The following MAD1L1 variants were observed in gnomAD, a reference collection of about 807,000 sequenced individuals.
MAD1L1 encodes mitotic spindle assembly checkpoint protein MAD1.
MAD1L1 carries 95 observed loss-of-function variants against 96.9 expected under a neutral mutation model. That is an observed-to-expected ratio of 0.98 (90% CI 0.83 to 1.16). The LOEUF (loss-of-function observed/expected upper bound fraction) is 1.16. Ranked by LOEUF, MAD1L1 falls within the 50% of genes most tolerant of loss-of-function variation. MAD1L1 has a pLI of 0.00. For missense variants in MAD1L1, 1,007 were observed against 954.4 expected (o/e 1.06, Z -0.73); for synonymous variants, 473 against 396.6 (o/e 1.19, Z -2.29).
intron 17 of MAD1L1, among the ~76,000 whole-genome samples, chr7:1,899,190 C>A (rs993098557): frequency 1.3e-5 from 2 of 152,210 alleles, no homozygotes; most frequent in Admixed American, 1.3e-4. Context: ...GCAGAGCCAT[C>A]AGGAGGATAA....
intron 18 of MAD1L1, among the ~76,000 whole-genome samples, chr7:1,817,299 C>CATGG (rs1035201525): frequency 3.3e-5 from 5 of 152,272 alleles, no homozygotes; most frequent in African/African-American, 9.6e-5. Flanking sequence ...ACGCAGAGTC[C>CATGG]ATGGGCCCAG....
intron 3 of MAD1L1, among the ~76,000 whole-genome samples, chr7:2,228,318 G>A (rs1291736311): frequency 1.3e-5 from 2 of 152,198 alleles, no homozygotes; most frequent in Admixed American, 6.5e-5. Context: ...CTGGAGTGCA[G>A]TGGCGCGATG....
intron 3 of MAD1L1, among the ~76,000 whole-genome samples, chr7:2,226,194 T>C (rs942083469): frequency 2.0e-5 from 3 of 152,148 alleles, no homozygotes; most frequent in Admixed American, 1.3e-4. Context: ...CCACGTAATC[T>C]CCCTATCTCA....
rs183461689 is a variant in MAD1L1, at chr7:2,189,121, C to T, written c.986+24091G>A. On this transcript the variant is annotated intron_variant, in intron 10 of 18. Transcript: ENST00000265854. ...AGGGAAATGCATATCAAAGCCAGAACAAGACACCACCTCACACTCATTAGG... is the reference window on the plus strand; with the variant it reads ...AGGGAAATGCATATCAAAGCCAGAATAAGACACCACCTCACACTCATTAGG... 3.0e-3 allele frequency among the ~76,000 whole-genome samples: 453 copies of T among 152,190 alleles called. 2 individuals are homozygous for T. Among genetic ancestry groups the T allele is most frequent in the African/African-American group, 0.011 (440 of 41,508 alleles).
intron 18 of MAD1L1, among the ~76,000 whole-genome samples, chr7:1,839,486 C>T (rs1249658098): frequency 2.0e-5 from 3 of 152,184 alleles, no homozygotes; most frequent in Admixed American, 6.5e-5. Flanking sequence ...CCAGCCTGTT[C>T]GCTTCCGAGT....
intron 11 of MAD1L1, among the ~76,000 whole-genome samples, chr7:2,096,905 G>A (rs116845355): frequency 0.011 from 1,660 of 152,236 alleles, 11 homozygotes; most frequent in Admixed American, 0.024. Context: ...CCGGCCAGCA[G>A]GTCTGCCACT....
chr7:1,887,320 T>A (rs1465465283), intron 18 of MAD1L1, among the ~76,000 whole-genome samples: 1 of 151,824 alleles, frequency 6.6e-6, no homozygotes, highest in African/African-American at 2.4e-5. Context: ...TGTGCATGCA[T>A]GCGCATGCGT....
intron 17 of MAD1L1, among the ~76,000 whole-genome samples, chr7:1,919,574 G>C (rs913940841): frequency 7.2e-5 from 11 of 152,236 alleles, no homozygotes; most frequent in Non-Finnish European, 1.5e-4. Flanking sequence ...CTCCTGCACG[G>C]GCCCAGAGGC....
chr7:1,944,230 T>C (rs1174409975), intron 16 of MAD1L1, among the ~76,000 whole-genome samples: 1 of 151,702 alleles, frequency 6.6e-6, no homozygotes, highest in Admixed American at 6.6e-5. Context: ...GACAGCAGGG[T>C]GATGGATAAC....
At chr7:1,846,395 G>A (rs1161319721) in intron 18 of MAD1L1, 1 of 152,758 alleles carries the variant, frequency 6.5e-6, no homozygotes, top group East Asian at 1.9e-4. Flanking sequence ...GGTTCAGGAG[G>A]TTTATAAACA....
At position 2,083,857 on chromosome 7, in the gene MAD1L1, C is replaced by T. The variant is rs114653903; in HGVS notation, c.1074-14519G>A. ...CCTCCTGGTTGGTCACTGTGAGTGT[C>T]TGCTGGGCCCATCCTGTGGGCCGGC... On this transcript the variant is annotated intron_variant, in intron 11 of 18. Coordinates refer to ENST00000265854, the MANE Select transcript of MAD1L1 (RefSeq NM_001013836.2). Among the ~76,000 whole-genome samples the T allele has an allele frequency of 1.7e-3, 252 of 152,338 alleles. 2 individuals carry two copies. Among genetic ancestry groups the T allele is most frequent in the African/African-American group, 5.7e-3 (239 of 41,574 alleles).
chr7:2,201,249 C>T (rs1218754055), intron 10 of MAD1L1, among the ~76,000 whole-genome samples: 2 of 113,938 alleles, frequency 1.8e-5, no homozygotes, highest in African/African-American at 5.6e-5. Flanking sequence ...CAGAGGAGGC[C>T]TTCAGCTTCT....
chr7:2,184,269 TA>T (rs999289723), intron 10 of MAD1L1, among the ~76,000 whole-genome samples: 5 of 141,466 alleles, frequency 3.5e-5, no homozygotes, highest in Admixed American at 1.4e-4. Context: ...AATTTTAAAA[TA>T]AAAAAAAAAG....
intron 18 of MAD1L1, among the ~76,000 whole-genome samples, chr7:1,839,548 G>C (rs1427172205): frequency 6.6e-6 from 1 of 152,216 alleles, no homozygotes; most frequent in Admixed American, 6.5e-5. Context: ...ACAGAATGTC[G>C]TGGAGAACTG....
intron 18 of MAD1L1, among the ~76,000 whole-genome samples, chr7:1,817,665 C>A (rs1360766644): frequency 6.6e-6 from 1 of 152,176 alleles, no homozygotes; most frequent in Non-Finnish European, 1.5e-5. Context: ...CCGGGAGGAA[C>A]GGAACGGTAG....
chr7:2,131,936 G>A (rs974135908), intron 11 of MAD1L1, among the ~76,000 whole-genome samples: 3 of 152,188 alleles, frequency 2.0e-5, no homozygotes, highest in African/African-American at 7.2e-5. Context: ...AATGATGGAG[G>A]GCTGCTCAGG....
intron 16 of MAD1L1, among the ~76,000 whole-genome samples, chr7:1,940,755 C>A (rs776350812): frequency 6.6e-6 from 1 of 152,224 alleles, no homozygotes; most frequent in African/African-American, 2.4e-5. Context: ...TCAGATAACC[C>A]GCGTGTGTCC....
At chr7:1,944,519 C>T (rs990228155) in intron 16 of MAD1L1, among the ~76,000 whole-genome samples, 15 of 152,266 alleles carry the variant, frequency 9.9e-5, no homozygotes, top group South Asian at 4.1e-4. Flanking sequence ...CAGCTCTCCA[C>T]GGGGAGGACA....
intron 18 of MAD1L1, among the ~76,000 whole-genome samples, chr7:1,840,319 C>T (rs1783180915): frequency 6.6e-6 from 1 of 152,244 alleles, no homozygotes; most frequent in Admixed American, 6.5e-5. Flanking sequence ...AGGCCACCTC[C>T]TCCAGGCAGC....
Sources: gnomAD v4.1 joint callset for allele counts (sites outside exome capture counted in the v4.1 genomes callset) on GRCh38, gnomAD v4.1.1 for gene constraint, MANE v1.5 for transcripts, NCBI Gene and HGNC (gene_info 2026-07-23, HGNC 2026-07-21) for gene names.